The following CAMTA1 variants were observed in gnomAD, a reference collection of about 807,000 sequenced individuals.
CAMTA1 encodes calmodulin-binding transcription activator 1.
Under a neutral mutation model 170.9 loss-of-function variants are expected in CAMTA1, and 27 were observed. The ratio of observed to expected loss-of-function variants is 0.16; its 90% CI spans 0.12 to 0.22. CAMTA1 has a LOEUF of 0.22. Among genes scored for constraint, CAMTA1 ranks in the 10% least tolerant of loss-of-function variants. The pLI, the probability that CAMTA1 is intolerant of heterozygous loss-of-function variation, is 1.00. For synonymous variants in CAMTA1, 833 were observed against 891.5 expected (o/e 0.93, Z 1.17); for missense variants, 1,619 against 2,217.2 (o/e 0.73, Z 5.42).
At chr1:7,265,257 C>T (rs1668743495) in intron 5 of CAMTA1, among the ~76,000 whole-genome samples, 1 of 152,074 alleles carries the variant, frequency 6.6e-6, no homozygotes, top group African/African-American at 2.4e-5. Context: ...ACCCACACAG[C>T]TTTTCAAAGA....
At position 7,076,253 on chromosome 1, in the gene CAMTA1, GA is replaced by G. The variant is rs371356585; in HGVS notation, c.235-15043del. 6.1e-3 allele frequency among the ~76,000 whole-genome samples: 923 copies of G among 152,036 alleles called. 1 individual carries two copies. Among genetic ancestry groups the G allele is most frequent in the Middle Eastern group, 0.01 (3 of 294 alleles). On this transcript the variant is annotated intron_variant, in intron 3 of 22. Transcript: ENST00000303635. ...AACCTCTTTCTTTTTCACAGGACTG[GA>G]AAAAAAATTTAGTCCTCCTCCTCTT... is the stretch of plus-strand genomic sequence containing the variant.
chr1:7,130,868 T>C (rs1215942389), intron 4 of CAMTA1, among the ~76,000 whole-genome samples: 1 of 152,246 alleles, frequency 6.6e-6, no homozygotes. Context: ...ATTACTGAGT[T>C]GTAAAAGTTC....
chr1:7,731,013 C>T (rs1468986204), intron 11 of CAMTA1, among the ~76,000 whole-genome samples: 1 of 151,910 alleles, frequency 6.6e-6, no homozygotes, highest in African/African-American at 2.4e-5. Context: ...CGAGCGTGGG[C>T]ATGATTGATT....
At chr1:6,846,283 A>T (rs537666274) in intron 3 of CAMTA1, among the ~76,000 whole-genome samples, 1 of 152,242 alleles carries the variant, frequency 6.6e-6, no homozygotes, top group Non-Finnish European at 1.5e-5. Context: ...TAAAACTTTC[A>T]TATCAAATCT....
chr1:7,231,348 TGTGAGAGAGAGA>T (rs1158950538), intron 4 of CAMTA1, among the ~76,000 whole-genome samples: 2 of 141,304 alleles, frequency 1.4e-5, no homozygotes, highest in African/African-American at 5.3e-5. Flanking sequence ...TGTGTGTGTG[TGTGAGAGAGAGA>T]GAGAGAGAGA....
In CAMTA1 at chr1:7,670,908, C is replaced by T. The variant is rs1209181981; in HGVS notation, c.2653-3C>T. 1 of 1,613,568 alleles carries T rather than the reference C, an allele frequency of 6.2e-7. No individual in the cohort carries two copies. The highest frequency in any genetic ancestry group is 1.7e-5 in the Admixed American group (1 of 60,018). ...ACTCTGTTCCCCTCTCTGTTCTCTG[C>T]AGGGAGGAGTGAAGGTCCTCATCAC... is the stretch of plus-strand genomic sequence containing the variant. On this transcript the variant is annotated splice_polypyrimidine_tract_variant and splice_region_variant and intron_variant, in intron 9 of 22. Transcript: ENST00000303635.
chr1:7,131,565 G>A (rs1645258712), intron 4 of CAMTA1, among the ~76,000 whole-genome samples: 1 of 143,540 alleles, frequency 7.0e-6, no homozygotes, highest in African/African-American at 2.6e-5. Flanking sequence ...GATTATTCCT[G>A]CACTATTTGT....
intron 4 of CAMTA1, among the ~76,000 whole-genome samples, chr1:7,100,730 C>G (rs1480743779): frequency 6.6e-6 from 1 of 152,228 alleles, no homozygotes; most frequent in African/African-American, 2.4e-5. Flanking sequence ...AGTTTAGAGC[C>G]TTTCCTGGCA....
At chr1:7,624,651 C>A (rs2095621203) in intron 6 of CAMTA1, among the ~76,000 whole-genome samples, 1 of 152,180 alleles carries the variant, frequency 6.6e-6, no homozygotes, top group South Asian at 2.1e-4. Flanking sequence ...GGATGAGTGT[C>A]CCCATTCAGA....
intron 4 of CAMTA1, among the ~76,000 whole-genome samples, chr1:7,230,975 A>G (rs1662684699): frequency 1.3e-5 from 2 of 152,118 alleles, no homozygotes; most frequent in African/African-American, 4.8e-5. Flanking sequence ...GGGACCCCCC[A>G]GGAGCCTGGA....
In CAMTA1 at chr1:7,670,939, C is replaced by T. The variant is rs368483417; in HGVS notation, c.2681C>T (p.Pro894Leu). 4.3e-6 allele frequency: 7 copies of T among 1,613,596 alleles called. No homozygotes were observed. Among genetic ancestry groups the T allele is most frequent in the Admixed American group, 1.7e-5 (1 of 59,994 alleles). The change falls in exon 10 of 23, where the codon CCG becomes CTG. Residue 894 changes from proline to leucine, a missense_variant. Physicochemically the swap from Pro to Leu is moderately conservative, Grantham distance 98. Around this residue, in one of 8 missense-constraint regions of CAMTA1, gnomAD observed 29 missense variants for 70.9 expected, o/e 0.41. Transcript: ENST00000303635. ...GGAGTGAAGGTCCTCATCACAGGCCCGTGGCAAGAAGCCAGCAATAACTAC... is the reference window on the plus strand; with the variant it reads ...GGAGTGAAGGTCCTCATCACAGGCCTGTGGCAAGAAGCCAGCAATAACTAC... ...EGGVKVLITG[P>L]WQEASNNYSC... is the part of the protein sequence containing the mutation.
At chr1:7,658,503 C>G (rs1447221731) in intron 7 of CAMTA1, among the ~76,000 whole-genome samples, 1 of 152,192 alleles carries the variant, frequency 6.6e-6, no homozygotes, top group Non-Finnish European at 1.5e-5. Context: ...ACAGCTGGAA[C>G]AGACCACTGC....
intron 3 of CAMTA1, among the ~76,000 whole-genome samples, chr1:6,850,981 T>G (rs1174428333): frequency 6.6e-6 from 1 of 152,198 alleles, no homozygotes; most frequent in Non-Finnish European, 1.5e-5. Context: ...GTATAATTTC[T>G]TTCATTAATA....
intron 3 of CAMTA1, among the ~76,000 whole-genome samples, chr1:6,932,522 C>T (rs748848027): frequency 2.6e-5 from 4 of 152,298 alleles, no homozygotes; most frequent in South Asian, 2.1e-4. Context: ...TCTTTTCTCT[C>T]GGGTAAATGC....
intron 11 of CAMTA1, among the ~76,000 whole-genome samples, chr1:7,700,130 T>C (rs1401459508): frequency 1.3e-5 from 2 of 151,376 alleles, no homozygotes; most frequent in African/African-American, 2.5e-5. Context: ...TACTGCCGTA[T>C]TTTTTTTCCA....
At chr1:7,280,880 G>A (rs116251978) in intron 5 of CAMTA1, among the ~76,000 whole-genome samples, 6 of 152,318 alleles carry the variant, frequency 3.9e-5, no homozygotes, top group African/African-American at 1.2e-4. Context: ...AGAAATTGGC[G>A]CTGTAACTTG....
chr1:7,142,698 A>T (rs988264547), intron 4 of CAMTA1, among the ~76,000 whole-genome samples: 1 of 152,214 alleles, frequency 6.6e-6, no homozygotes, highest in Non-Finnish European at 1.5e-5. Context: ...CTCTCTTGCC[A>T]TGCTGGCTCC....
intron 6 of CAMTA1, among the ~76,000 whole-genome samples, chr1:7,595,299 A>G (rs1191278849): frequency 1.3e-5 from 2 of 152,230 alleles, no homozygotes; most frequent in Non-Finnish European, 2.9e-5. Context: ...GCATTTGAGT[A>G]ATTTTCATCG....
At chr1:7,088,219 G>A (rs1324772944) in intron 3 of CAMTA1, among the ~76,000 whole-genome samples, 3 of 152,232 alleles carry the variant, frequency 2.0e-5, no homozygotes, top group South Asian at 2.1e-4. Flanking sequence ...GAGGGGCTCT[G>A]TGTGGGAGGT....
Sources: allele counts gnomAD v4.1 joint callset (sites outside exome capture counted in the v4.1 genomes callset), GRCh38; gene constraint gnomAD v4.1.1; regional missense constraint gnomAD v4.1.1; transcripts MANE v1.5; gene names NCBI Gene and HGNC (gene_info 2026-07-23, HGNC 2026-07-21).